The following GABPB1 variants were observed in gnomAD, a reference collection of about 807,000 sequenced individuals.
The protein encoded by GABPB1 is GA-binding protein subunit beta-1.
In GABPB1, 15 loss-of-function variants were observed where a neutral mutation model predicts 45.9. That is an observed-to-expected ratio of 0.33 (90% CI 0.22 to 0.50). The LOEUF is 0.50. GABPB1 is among the 20% of genes least tolerant of loss of function. The pLI, the probability that GABPB1 is intolerant of heterozygous loss-of-function variation, is 0.98. For missense variants in GABPB1, 252 were observed against 457.5 expected (o/e 0.55, Z 4.10); for synonymous variants, 143 against 154.4 (o/e 0.93, Z 0.55).
chr15:50,279,978 T>C (rs1257178651), intron 8 of GABPB1, among the ~76,000 whole-genome samples: 4 of 152,208 alleles, frequency 2.6e-5, no homozygotes, highest in Non-Finnish European at 5.9e-5. Flanking sequence ...TCTATTCATA[T>C]GGTTGGTCCA....
At chr15:50,336,382 G>C (rs1036137420) in intron 1 of GABPB1, among the ~76,000 whole-genome samples, 3 of 143,632 alleles carry the variant, frequency 2.1e-5, no homozygotes, top group Admixed American at 7.1e-5. Flanking sequence ...ATTATTTTGA[G>C]ATCTTTGACA....
intron 1 of GABPB1, among the ~76,000 whole-genome samples, chr15:50,328,057 G>A (rs1339764474): frequency 6.6e-6 from 1 of 151,460 alleles, no homozygotes; most frequent in Admixed American, 6.6e-5. Context: ...TAACCTAAGT[G>A]TCTATAAACG....
At chr15:50,351,005 T>G (rs1479041667) in intron 1 of GABPB1, 1 of 152,226 alleles carries the variant, frequency 6.6e-6, no homozygotes, top group Non-Finnish European at 1.5e-5. Flanking sequence ...GGTCCTCGTT[T>G]ATGCTCTACA....
intron 6 of GABPB1, among the ~76,000 whole-genome samples, chr15:50,292,431 G>C (rs2046381142): frequency 6.6e-6 from 1 of 152,002 alleles, no homozygotes; most frequent in African/African-American, 2.4e-5. Context: ...GGGGAAACAG[G>C]ATATTCAAAT....
At chr15:50,309,665 C>A in intron 2 of GABPB1, 26 bp downstream of exon 2, 2 of 1,326,262 alleles carry the variant, frequency 1.5e-6, no homozygotes, top group Non-Finnish European at 2.2e-6. Flanking sequence ...GGAAAAAGAA[C>A]ACACAATATT....
intron 1 of GABPB1, among the ~76,000 whole-genome samples, chr15:50,320,564 C>T (rs1316280799): frequency 2.0e-5 from 3 of 152,194 alleles, no homozygotes; most frequent in Admixed American, 6.5e-5. Context: ...CTGAATAATG[C>T]TCCCCCAAAG....
intron 1 of GABPB1, among the ~76,000 whole-genome samples, chr15:50,340,571 A>C (rs1268949293): frequency 1.6e-5 from 2 of 128,700 alleles, no homozygotes; most frequent in East Asian, 2.4e-4. Context: ...AAAAAAAAAA[A>C]CATTACCACA....
intron 7 of GABPB1, among the ~76,000 whole-genome samples, chr15:50,288,579 C>A (rs1444733050): frequency 1.3e-5 from 2 of 152,180 alleles, no homozygotes; most frequent in Non-Finnish European, 2.9e-5. Context: ...TTCCTTGATG[C>A]ACCAGTGTGG....
chr15:50,312,898 T>C (rs758710481), intron 1 of GABPB1, among the ~76,000 whole-genome samples: 3 of 152,196 alleles, frequency 2.0e-5, no homozygotes, highest in African/African-American at 4.8e-5. Context: ...TTCTGACATA[T>C]GTTCTGGATA....
At chr15:50,308,734 TC>T (rs2047028763) in intron 2 of GABPB1, among the ~76,000 whole-genome samples, 1 of 152,218 alleles carries the variant, frequency 6.6e-6, no homozygotes, top group Non-Finnish European at 1.5e-5. Context: ...AGGTTGATAA[TC>T]TCTTTCTTTC....
At chr15:50,287,007 T>C (rs1439568317) in intron 7 of GABPB1, among the ~76,000 whole-genome samples, 2 of 152,118 alleles carry the variant, frequency 1.3e-5, no homozygotes. Context: ...TAAATAAAAA[T>C]TTAAAAATAG....
intron 8 of GABPB1, among the ~76,000 whole-genome samples, chr15:50,282,748 A>G (rs114835451): frequency 0.02 from 3,091 of 152,178 alleles, 104 homozygotes; most frequent in African/African-American, 0.071. Context: ...TAAGGACACA[A>G]ATATTTCATA....
intron 1 of GABPB1, among the ~76,000 whole-genome samples, chr15:50,331,769 T>A (rs2047955303): frequency 6.6e-6 from 1 of 152,188 alleles, no homozygotes; most frequent in African/African-American, 2.4e-5. Context: ...GGATGATACC[T>A]GTGTGGTTAT....
At chr15:50,353,125 A>T (rs2048915341) in intron 1 of GABPB1, 1 of 152,236 alleles carries the variant, frequency 6.6e-6, no homozygotes, top group Non-Finnish European at 1.5e-5. Context: ...GTAAATCATT[A>T]TAAATATGTA....
Position 50,277,618 on chromosome 15 carries a change from A to C in GABPB1, c.*1014T>G, listed in dbSNP as rs762311584. 2 of 152,588 alleles carry C rather than the reference A, an allele frequency of 1.3e-5. No individual in the cohort carries two copies. Among genetic ancestry groups the C allele is most frequent in the Non-Finnish European group, 2.9e-5 (2 of 68,034 alleles). The allele number at this position is 152,588 out of a possible 1,614,324, so 9.5% of individuals were successfully genotyped here. ...TACAAAAAGTTCCTGTTCTACATAC[A>C]AAAGCAATTTTTTTCCGTAAGAATC... On this transcript the variant is annotated 3_prime_UTR_variant, in exon 9 of 9. Coordinates refer to ENST00000380877, the MANE Select transcript of GABPB1 (RefSeq NM_016654.5).
intron 1 of GABPB1, among the ~76,000 whole-genome samples, chr15:50,344,743 C>T (rs1242875754): frequency 6.6e-6 from 1 of 152,040 alleles, no homozygotes; most frequent in Non-Finnish European, 1.5e-5. Context: ...GAGGCTGAGG[C>T]AGGACAATCG....
intron 8 of GABPB1, chr15:50,282,330 GGGAGGATCAC>G (rs749479997): frequency 6.6e-6 from 3 of 453,938 alleles, no homozygotes; most frequent in South Asian, 4.7e-5. Flanking sequence ...AGGCTGAGGT[GGGAGGATCAC>G]TTGAGGCCAG....
intron 1 of GABPB1, among the ~76,000 whole-genome samples, chr15:50,312,161 A>G (rs2047153689): frequency 6.6e-6 from 1 of 152,126 alleles, no homozygotes; most frequent in East Asian, 1.9e-4. Context: ...CCCGGCCAAC[A>G]GGGTGAAACC....
chr15:50,301,390 T>C, intron 4 of GABPB1, 22 bp from the exon 5 acceptor site: 1 of 1,600,144 alleles, frequency 6.2e-7, no homozygotes, highest in Non-Finnish European at 8.5e-7. Context: ...ATGACCACAG[T>C]GTTTTCAGAA....
Sources: allele counts gnomAD v4.1 joint callset (sites outside exome capture counted in the v4.1 genomes callset), GRCh38; gene constraint gnomAD v4.1.1; transcripts MANE v1.5; gene names NCBI Gene and HGNC (gene_info 2026-07-23, HGNC 2026-07-21).